CPVL: variants seen among roughly 807,000 people sequenced by gnomAD.
CPVL encodes probable serine carboxypeptidase CPVL.
In CPVL, 51 loss-of-function variants were observed where a neutral mutation model predicts 63.7. That is an observed-to-expected ratio of 0.80 (90% CI 0.64 to 1.01). CPVL has a LOEUF of 1.01. Among genes scored for constraint, CPVL ranks in the 50% least tolerant of loss-of-function variants. The pLI is 0.00. For synonymous variants in CPVL, 195 were observed against 206.0 expected (o/e 0.95, Z 0.46); for missense variants, 530 against 573.1 (o/e 0.92, Z 0.77).
At chr7:29,079,873 C>T (rs957052383) in intron 7 of CPVL, among the ~76,000 whole-genome samples, 12 of 152,160 alleles carry the variant, frequency 7.9e-5, no homozygotes, top group African/African-American at 2.4e-4. Flanking sequence ...TGTTGAGAGT[C>T]CACCCTATTG....
Position 29,010,647 on chromosome 7 carries a change from T to G in CPVL, c.1321-14765A>C, listed in dbSNP as rs2128134442. On this transcript the variant is annotated intron_variant, in intron 12 of 12. Transcript: ENST00000265394. ...TCTGACAGACAATATTGAACTCATT[T>G]CATCATCTGAAACTTTAATACAAAA... 2.0e-5 allele frequency: 3 copies of G among 152,328 alleles called. 1 individual carries two copies. Among genetic ancestry groups the G allele is most frequent in the Middle Eastern group, 3.4e-3 (1 of 294 alleles). 9.4% of individuals were successfully genotyped at this position (152,328 alleles called of 1,614,324 possible).
chr7:29,131,303 A>C (rs1311015875), intron 1 of CPVL, among the ~76,000 whole-genome samples: 2 of 152,244 alleles, frequency 1.3e-5, no homozygotes, highest in African/African-American at 4.8e-5. Context: ...GGGAACAATG[A>C]ATGAGAACAT....
chr7:29,163,544 C>G (rs1015249466), intron 5 of CPVL, among the ~76,000 whole-genome samples: 4 of 151,974 alleles, frequency 2.6e-5, no homozygotes, highest in African/African-American at 9.7e-5. Context: ...AGACAATATC[C>G]ATTTTTTTTT....
chr7:29,142,579 T>G (rs1202275059), intron 1 of CPVL, among the ~76,000 whole-genome samples: 1 of 145,382 alleles, frequency 6.9e-6, no homozygotes, highest in Non-Finnish European at 1.5e-5. Context: ...CAGGCTGGAG[T>G]GTAGTGGTGC....
upstream of CPVL, chr7:29,146,802 A>G (rs1406718776): frequency 5.8e-6 from 9 of 1,549,564 alleles, no homozygotes; most frequent in South Asian, 4.8e-5. Flanking sequence ...AAAAGCTGCT[A>G]TCTTAAAATT....
chr7:29,030,206 T>C (rs937852003), intron 12 of CPVL, among the ~76,000 whole-genome samples: 7 of 152,212 alleles, frequency 4.6e-5, no homozygotes, highest in Non-Finnish European at 1.0e-4. Context: ...ACATGTAATA[T>C]AAAAATGTGA....
At chr7:29,084,697 T>A (rs754927855) in intron 7 of CPVL, among the ~76,000 whole-genome samples, 1 of 152,178 alleles carries the variant, frequency 6.6e-6, no homozygotes, top group Non-Finnish European at 1.5e-5. Flanking sequence ...GAAACCAACA[T>A]AGACAAATGA....
In CPVL at chr7:29,003,104, C is replaced by T. The variant is rs538438067; in HGVS notation, c.1321-7222G>A. ...AAAGCAAACTAACCACATCATAGTA[C>T]ACATAATAGTATATTAGTAATAGTA... is the stretch of plus-strand genomic sequence containing the variant. On this transcript the variant is annotated intron_variant, in intron 12 of 12. Coordinates refer to ENST00000265394, the MANE Select transcript of CPVL (RefSeq NM_031311.5). 2.8e-4 allele frequency among the ~76,000 whole-genome samples: 43 copies of T among 151,816 alleles called. 2 individuals carry two copies. Among genetic ancestry groups the T allele is most frequent in the Middle Eastern group, 6.8e-3 (2 of 294 alleles).
chr7:29,024,738 A>T (rs1787325642), intron 12 of CPVL, among the ~76,000 whole-genome samples: 1 of 152,224 alleles, frequency 6.6e-6, no homozygotes, highest in African/African-American at 2.4e-5. Context: ...TACTATACCC[A>T]CAAAGCCATC....
intron 12 of CPVL, among the ~76,000 whole-genome samples, chr7:29,029,423 T>C (rs1466310495): frequency 6.6e-6 from 1 of 152,184 alleles, no homozygotes; most frequent in Non-Finnish European, 1.5e-5. Context: ...AACAGATGAA[T>C]GGATTTTAAA....
intron 5 of CPVL, among the ~76,000 whole-genome samples, chr7:29,179,743 A>G (rs567979434): frequency 4.6e-5 from 7 of 152,246 alleles, no homozygotes; most frequent in African/African-American, 1.2e-4. Flanking sequence ...TTTTATATCA[A>G]TGCAAAACAC....
chr7:29,042,869 G>T lies in CPVL; in HGVS notation c.1138-12110C>A, dbSNP rs549526678. Among the ~76,000 whole-genome samples the T allele has an allele frequency of 8.5e-5, 13 of 152,346 alleles. No individual in the cohort carries two copies. The South Asian group carries it at 2.7e-3, about 32-fold the overall frequency. On this transcript the variant is annotated intron_variant, in intron 11 of 12. Transcript: ENST00000265394. Reference sequence around the variant, plus strand: ...GCTCAGAAGCTCTCAAAACGGATATGGACAGTGGACGGGGAGGCCCTAGTG... The same window carrying T: ...GCTCAGAAGCTCTCAAAACGGATATTGACAGTGGACGGGGAGGCCCTAGTG...
chr7:29,041,791 AG>A (rs1206367504), intron 11 of CPVL, among the ~76,000 whole-genome samples: 10 of 152,214 alleles, frequency 6.6e-5, no homozygotes, highest in Non-Finnish European at 1.3e-4. Context: ...AGATACACAC[AG>A]GATTCTGAAG....
chr7:29,018,473 A>G (rs1425331545), intron 12 of CPVL, among the ~76,000 whole-genome samples: 2 of 149,264 alleles, frequency 1.3e-5, no homozygotes, highest in Non-Finnish European at 3.0e-5. Context: ...CTGCCTCCCA[A>G]GTTCAAGCGA....
At chr7:29,186,193 A>G (rs2128748823) in intron 2 of CPVL, among the ~76,000 whole-genome samples, 1 of 152,244 alleles carries the variant, frequency 6.6e-6, no homozygotes, top group Non-Finnish European at 1.5e-5. Flanking sequence ...CCTTGGGGTC[A>G]GGAGTACAAG....
intron 3 of CPVL, among the ~76,000 whole-genome samples, chr7:29,109,688 C>T (rs1006312652): frequency 2.6e-5 from 4 of 152,074 alleles, no homozygotes; most frequent in East Asian, 1.9e-4. Flanking sequence ...CCTCTTCTCC[C>T]GAAGCTTCAT....
chr7:29,139,143 T>C (rs1379194006), intron 1 of CPVL, among the ~76,000 whole-genome samples: 1 of 152,162 alleles, frequency 6.6e-6, no homozygotes, highest in Non-Finnish European at 1.5e-5. Flanking sequence ...CTCCCTATAG[T>C]ACATTACATT....
chr7:29,028,532 A>T (rs746707778), intron 12 of CPVL, among the ~76,000 whole-genome samples: 5 of 152,242 alleles, frequency 3.3e-5, no homozygotes, highest in Non-Finnish European at 7.3e-5. Context: ...AGCAAAGGGA[A>T]CAATCAATAG....
chr7:29,113,145 A>G (rs1479770023), intron 2 of CPVL, among the ~76,000 whole-genome samples: 1 of 151,970 alleles, frequency 6.6e-6, no homozygotes, highest in African/African-American at 2.4e-5. Flanking sequence ...CCTTGCATAA[A>G]CCAAGGTGAT....
Sources: allele counts gnomAD v4.1 joint callset (sites outside exome capture counted in the v4.1 genomes callset), GRCh38; gene constraint gnomAD v4.1.1; transcripts MANE v1.5; gene names NCBI Gene and HGNC (gene_info 2026-07-23, HGNC 2026-07-21).